Variants in PCCA observed in about 807,000 individuals in gnomAD.
PCCA encodes propionyl-CoA carboxylase subunit alpha, also known as propionyl-CoA carboxylase alpha chain, mitochondrial.
A neutral mutation model predicts 101.3 loss-of-function variants in PCCA; 74 were observed. The observed-to-expected ratio is 0.73, with a 90% CI of 0.61 to 0.89. PCCA has a LOEUF of 0.89. PCCA is among the 40% of genes least tolerant of loss of function. PCCA has a pLI of 0.00. For synonymous variants in PCCA, 294 were observed against 313.6 expected (o/e 0.94, Z 0.66); for missense variants, 891 against 907.0 (o/e 0.98, Z 0.23).
At chr13:100,110,669 G>A (rs943712497) in intron 2 of PCCA, among the ~76,000 whole-genome samples, 5 of 152,182 alleles carry the variant, frequency 3.3e-5, no homozygotes, top group African/African-American at 4.8e-5. Context: ...AATATGCCCT[G>A]TCCCAACAGA....
intron 21 of PCCA, among the ~76,000 whole-genome samples, chr13:100,487,851 A>G (rs1244959104): frequency 1.3e-5 from 2 of 151,892 alleles, no homozygotes; most frequent in African/African-American, 4.8e-5. Flanking sequence ...TCAGTTCACT[A>G]AGCAGCTGGG....
chr13:100,475,610 T>G (rs1172713236), intron 21 of PCCA, among the ~76,000 whole-genome samples: 1 of 152,246 alleles, frequency 6.6e-6, no homozygotes, highest in African/African-American at 2.4e-5. Context: ...TGAACATTCA[T>G]GTACGAGTTT....
At chr13:100,155,866 C>T (rs761813056) in intron 5 of PCCA, among the ~76,000 whole-genome samples, 3 of 152,148 alleles carry the variant, frequency 2.0e-5, no homozygotes, top group African/African-American at 4.8e-5. Context: ...AAGCCTAATT[C>T]GTGAACCCAT....
At chr13:100,163,736 A>G (rs1256388924) in intron 6 of PCCA, among the ~76,000 whole-genome samples, 3 of 152,208 alleles carry the variant, frequency 2.0e-5, no homozygotes, top group Non-Finnish European at 4.4e-5. Flanking sequence ...AACATTTAAT[A>G]AATGATCAAG....
intron 17 of PCCA, among the ~76,000 whole-genome samples, chr13:100,337,013 C>T (rs1006812943): frequency 1.3e-5 from 2 of 152,144 alleles, no homozygotes; most frequent in East Asian, 1.9e-4. Flanking sequence ...TCTTCTCTGT[C>T]GGGGTTGGGG....
intron 21 of PCCA, among the ~76,000 whole-genome samples, chr13:100,502,760 G>T (rs1222915006): frequency 2.6e-5 from 4 of 152,178 alleles, no homozygotes; most frequent in African/African-American, 9.7e-5. Flanking sequence ...TAAAGGACAG[G>T]GATTTAGGGA....
chr13:100,261,015 C>T (rs2062465226), intron 9 of PCCA, among the ~76,000 whole-genome samples: 1 of 151,784 alleles, frequency 6.6e-6, no homozygotes, highest in Non-Finnish European at 1.5e-5. Flanking sequence ...CTAGATGGAC[C>T]ATTTGCAACT....
chr13:100,434,707 A>C, intron 20 of PCCA, among the ~76,000 whole-genome samples: 1 of 152,160 alleles, frequency 6.6e-6, no homozygotes, highest in East Asian at 1.9e-4. Context: ...TCTCCTGCAC[A>C]ATCCACGTCT....
At position 100,508,431 on chromosome 13, in the gene PCCA, C is replaced by T. The variant is rs138563073; in HGVS notation, c.1900-6996C>T. ...TAAACGACTTAACTCCAAGAACCACCTACCAGTAACACAACAAAACCTTGA... is the reference window on the plus strand; with the variant it reads ...TAAACGACTTAACTCCAAGAACCACTTACCAGTAACACAACAAAACCTTGA... On this transcript the variant is annotated intron_variant, in intron 21 of 23. Transcript: ENST00000376285. Among the ~76,000 whole-genome samples the T allele has an allele frequency of 4.4e-3, 666 of 152,308 alleles. 8 individuals are homozygous for T. The highest frequency in any genetic ancestry group is 0.016 in the African/African-American group (645 of 41,550).
intron 8 of PCCA, among the ~76,000 whole-genome samples, chr13:100,243,103 C>T (rs1412870035): frequency 6.6e-6 from 1 of 152,160 alleles, no homozygotes; most frequent in Non-Finnish European, 1.5e-5. Context: ...ACCATGTTGG[C>T]CAGACTAGTC....
At chr13:100,331,324 A>C (rs192149238) in intron 17 of PCCA, among the ~76,000 whole-genome samples, 2 of 152,206 alleles carry the variant, frequency 1.3e-5, no homozygotes, top group East Asian at 3.8e-4. Context: ...CTTAATAGAA[A>C]TGTTACTCAG....
intron 6 of PCCA, among the ~76,000 whole-genome samples, chr13:100,199,111 A>G (rs1453408885): frequency 6.6e-6 from 1 of 152,076 alleles, no homozygotes; most frequent in Non-Finnish European, 1.5e-5. Context: ...CAGGAGAACT[A>G]TACAAAAGAA....
At chr13:100,491,760 T>C in intron 21 of PCCA, 2 of 1,224,582 alleles carry the variant, frequency 1.6e-6, no homozygotes, top group Non-Finnish European at 2.1e-6. Context: ...TTGTACAAGC[T>C]CTTTTGGATT....
At chr13:100,483,876 C>A (rs1178795898) in intron 21 of PCCA, among the ~76,000 whole-genome samples, 1 of 152,146 alleles carries the variant, frequency 6.6e-6, no homozygotes, top group Non-Finnish European at 1.5e-5. Flanking sequence ...GGGTTGGAAT[C>A]GTTTTTAATG....
intron 6 of PCCA, among the ~76,000 whole-genome samples, chr13:100,179,846 C>T (rs962248366): frequency 6.6e-6 from 1 of 152,008 alleles, no homozygotes; most frequent in Admixed American, 6.6e-5. Flanking sequence ...AAGCAGCCAG[C>T]ACTTGGAGAT....
At chr13:100,405,361 A>G (rs1595772559) in intron 19 of PCCA, among the ~76,000 whole-genome samples, 2 of 152,326 alleles carry the variant, frequency 1.3e-5, no homozygotes, top group African/African-American at 2.4e-5. Flanking sequence ...GTTGGTTTAC[A>G]GGAACAAGCA....
intron 1 of PCCA, among the ~76,000 whole-genome samples, chr13:100,091,295 CT>C (rs768595114): frequency 7.9e-5 from 12 of 152,240 alleles, no homozygotes; most frequent in Non-Finnish European, 1.5e-4. Context: ...TTGTTATACA[CT>C]TACTGTGTAA....
At chr13:100,189,425 C>A (rs1321371358) in intron 6 of PCCA, among the ~76,000 whole-genome samples, 1 of 152,060 alleles carries the variant, frequency 6.6e-6, no homozygotes, top group Non-Finnish European at 1.5e-5. Context: ...TGCTGCTTAG[C>A]CTACTTTTTG....
At chr13:100,453,264 G>A (rs2081465223) in intron 21 of PCCA, among the ~76,000 whole-genome samples, 1 of 152,106 alleles carries the variant, frequency 6.6e-6, no homozygotes, top group Admixed American at 6.6e-5. Flanking sequence ...CGCTTTGGGA[G>A]GCTGAGGTGG....
Sources: allele counts gnomAD v4.1 joint callset (sites outside exome capture counted in the v4.1 genomes callset), GRCh38; gene constraint gnomAD v4.1.1; transcripts MANE v1.5; gene names NCBI Gene and HGNC (gene_info 2026-07-23, HGNC 2026-07-21).